The following VAPB variants were observed in gnomAD, a reference collection of about 807,000 sequenced individuals.
VAPB encodes vesicle-associated membrane protein-associated protein B/C.
VAPB carries 7 observed loss-of-function variants against 25.6 expected under a neutral mutation model. That is an observed-to-expected ratio of 0.27 (90% CI 0.16 to 0.51). VAPB has a LOEUF of 0.51. Among genes scored for constraint, VAPB ranks in the 20% least tolerant of loss-of-function variants. VAPB has a pLI of 0.97. For synonymous variants in VAPB, 112 were observed against 109.2 expected (o/e 1.03, Z -0.16); for missense variants, 266 against 301.3 (o/e 0.88, Z 0.87).
At chr20:58,430,187 A>C (rs989749492) in intron 2 of VAPB, among the ~76,000 whole-genome samples, 6 of 152,048 alleles carry the variant, frequency 3.9e-5, no homozygotes, top group Non-Finnish European at 8.8e-5. Flanking sequence ...TTTAATGAAA[A>C]GTAACTTTTC....
intron 2 of VAPB, among the ~76,000 whole-genome samples, chr20:58,433,972 G>C (rs1193307925): frequency 1.3e-5 from 2 of 152,146 alleles, no homozygotes; most frequent in Non-Finnish European, 2.9e-5. Flanking sequence ...CTCCCTCCAT[G>C]CAGTGGGTGT....
chr20:58,398,857 CT>C (rs11475936), intron 1 of VAPB, among the ~76,000 whole-genome samples: 31,735 of 143,324 alleles, frequency 0.22, 3,731 homozygotes, highest in African/African-American at 0.33. Context: ...AAGGCTATGG[CT>C]TTTTTTTTTT....
At chr20:58,423,445 A>AAAAAAAAAAAAAG (rs1988717111) in intron 2 of VAPB, among the ~76,000 whole-genome samples, 1 of 143,808 alleles carries the variant, frequency 7.0e-6, no homozygotes, top group Non-Finnish European at 1.5e-5. Flanking sequence ...AAAAAAAAAA[A>AAAAAAAAAAAAAG]AAAAGAAAAG....
At chr20:58,407,753 CTT>C (rs1472560913) in intron 1 of VAPB, among the ~76,000 whole-genome samples, 3 of 151,308 alleles carry the variant, frequency 2.0e-5, no homozygotes, top group Non-Finnish European at 4.4e-5. Flanking sequence ...GTATGGATGA[CTT>C]AACATGTTTT....
intron 1 of VAPB, among the ~76,000 whole-genome samples, chr20:58,390,577 T>C (rs2123008245): frequency 6.6e-6 from 1 of 152,276 alleles, no homozygotes; most frequent in African/African-American, 2.4e-5. Context: ...ACAAGATCAT[T>C]GCAGATAGTG....
At chr20:58,414,715 G>A (rs965698653) in intron 1 of VAPB, among the ~76,000 whole-genome samples, 9 of 152,066 alleles carry the variant, frequency 5.9e-5, no homozygotes, top group Non-Finnish European at 1.3e-4. Flanking sequence ...ATGGCGGCCG[G>A]TCGGAGACGC....
chr20:58,417,943 G>T (rs1333834226), intron 1 of VAPB, among the ~76,000 whole-genome samples: 3 of 152,164 alleles, frequency 2.0e-5, no homozygotes, highest in Non-Finnish European at 4.4e-5. Flanking sequence ...CTGCAAAACA[G>T]CAATAATCAT....
At chr20:58,443,581 C>T (rs1466057169) in intron 5 of VAPB, among the ~76,000 whole-genome samples, 2 of 151,666 alleles carry the variant, frequency 1.3e-5, no homozygotes, top group Non-Finnish European at 2.9e-5. Flanking sequence ...AGCCACCGTG[C>T]CCAGTTGACT....
Position 58,389,524 on chromosome 20 carries a change from C to T in VAPB, c.58+7C>T. On this transcript the variant is annotated splice_region_variant and intron_variant, in intron 1 of 5. Coordinates refer to ENST00000475243, the MANE Select transcript of VAPB (RefSeq NM_004738.5). ...CACGAGCTCAAATTCCGAGGTAAGC[C>T]CCAGAGGCCGCCACCTTCCTGCCCG... 1 of 1,580,582 alleles carries T rather than the reference C, an allele frequency of 6.3e-7. No homozygotes were observed. The highest frequency in any genetic ancestry group is 8.6e-7 in the Non-Finnish European group (1 of 1,164,668).
intron 1 of VAPB, among the ~76,000 whole-genome samples, chr20:58,396,270 G>T (rs573178658): frequency 9.2e-5 from 14 of 152,118 alleles, no homozygotes; most frequent in Non-Finnish European, 1.9e-4. Context: ...CGCTTTTGGG[G>T]GGTGTGTGTG....
rs1415966698 is a variant in VAPB, at chr20:58,447,930, C to T, written c.*3695C>T. On this transcript the variant is annotated 3_prime_UTR_variant, in exon 6 of 6. Coordinates refer to ENST00000475243, the MANE Select transcript of VAPB (RefSeq NM_004738.5). ...TGAACACCTGAATAACATTTAACTC[C>T]TGAGACCTTCTCGGTGTAGAGGCCA... The T allele has an allele frequency of 2.2e-6, 1 of 453,906 alleles. No individual in the cohort carries two copies. Among genetic ancestry groups the T allele is most frequent in the Non-Finnish European group, 4.4e-6 (1 of 226,778 alleles). 28.1% of individuals were successfully genotyped at this position (453,906 alleles called of 1,614,324 possible). A position where few individuals can be genotyped will look rare whatever the true frequency, so the allele number is the denominator to read the frequency against.
rs1568700275 is a variant in VAPB, at chr20:58,402,561, C to CT, written c.58+13044_58+13045insT. On this transcript the variant is annotated intron_variant, in intron 1 of 5. Transcript: ENST00000475243. ...GCTGTTAGTCAGCAAGCCCCCCCAC[C>CT]CTTTTTTTTTTTTTTTTTTTAGATT... Among the ~76,000 whole-genome samples, 703 of 111,976 alleles carry CT rather than the reference C, an allele frequency of 6.3e-3. 42 individuals carry two copies. Among genetic ancestry groups the CT allele is most frequent in the East Asian group, 0.012 (46 of 3,832 alleles). 73.5% of individuals were successfully genotyped at this position (111,976 alleles called of 152,430 possible). A position where few individuals can be genotyped will look rare whatever the true frequency, so the allele number is the denominator to read the frequency against.
intron 5 of VAPB, among the ~76,000 whole-genome samples, chr20:58,443,397 G>GGTT (rs1300576898): frequency 2.2e-5 from 2 of 89,690 alleles, no homozygotes; most frequent in African/African-American, 1.0e-4. Flanking sequence ...CCCACTTTTA[G>GGTT]GTTTTTTTTT....
intron 1 of VAPB, among the ~76,000 whole-genome samples, chr20:58,408,208 C>T (rs1364058894): frequency 6.6e-6 from 1 of 152,146 alleles, no homozygotes; most frequent in Non-Finnish European, 1.5e-5. Flanking sequence ...GTTGATTTCT[C>T]TTGCTGCAAT....
chr20:58,415,597 T>A (rs1269863756), intron 1 of VAPB, among the ~76,000 whole-genome samples: 5 of 152,234 alleles, frequency 3.3e-5, no homozygotes, highest in African/African-American at 9.6e-5. Flanking sequence ...CATTTTTTTT[T>A]ATCTCTAAAA....
Position 58,446,398 on chromosome 20 carries a change from G to C in VAPB, c.*2163G>C, listed in dbSNP as rs184249263. Reference sequence around the variant, plus strand: ...CTTAGGTGGTCCCCAACAGTGCCTAGGGGTACAGTACAGTCCCATTACACT... The same window carrying C: ...CTTAGGTGGTCCCCAACAGTGCCTACGGGTACAGTACAGTCCCATTACACT... On this transcript the variant is annotated 3_prime_UTR_variant, in exon 6 of 6. Transcript: ENST00000475243. 1 of 454,100 alleles carries C rather than the reference G, an allele frequency of 2.2e-6. No individual in the cohort carries two copies. The highest frequency in any genetic ancestry group is 2.3e-5 in the Admixed American group (1 of 42,568). 28.1% of individuals were successfully genotyped at this position (454,100 alleles called of 1,614,324 possible). A position where few individuals can be genotyped will look rare whatever the true frequency, so the allele number is the denominator to read the frequency against.
chr20:58,389,608 C>G (rs968031260), intron 1 of VAPB, 91 bp downstream of exon 1: 1 of 1,365,668 alleles, frequency 7.3e-7, no homozygotes, highest in Non-Finnish European at 9.8e-7. Context: ...CGTCGGCCCT[C>G]GTCCCCACCC....
chr20:58,444,062 C>T lies in VAPB; in HGVS notation c.574-15C>T, dbSNP rs531119226. 3.5e-5 allele frequency: 56 copies of T among 1,614,102 alleles called. 1 individual carries two copies. The South Asian group carries it at 4.1e-4, about 12-fold the overall frequency. ...TGCCTTGGCTTGTCTTTGAAATGTG[C>T]GTTTGCTCCCGTAGGAAGAAGATGG... On this transcript the variant is annotated splice_polypyrimidine_tract_variant and intron_variant, in intron 5 of 5. Coordinates refer to ENST00000475243, the MANE Select transcript of VAPB (RefSeq NM_004738.5).
At chr20:58,423,406 CCATCTCA>C (rs1245565862) in intron 2 of VAPB, among the ~76,000 whole-genome samples, 3 of 39,358 alleles carry the variant, frequency 7.6e-5, no homozygotes, top group Admixed American at 4.2e-4. Flanking sequence ...GAGAGAAACT[CCATCTCA>C]CAAAAAAAAA....
Sources: allele counts gnomAD v4.1 joint callset (sites outside exome capture counted in the v4.1 genomes callset), GRCh38; gene constraint gnomAD v4.1.1; transcripts MANE v1.5; gene names NCBI Gene and HGNC (gene_info 2026-07-23, HGNC 2026-07-21).